TRRAP: variants seen among roughly 807,000 people sequenced by gnomAD.
The protein encoded by TRRAP is transformation/transcription domain associated protein.
In TRRAP, 41 loss-of-function variants were observed where a neutral mutation model predicts 438.8. The ratio of observed to expected loss-of-function variants is 0.09; its 90% CI spans 0.07 to 0.12. The LOEUF (loss-of-function observed/expected upper bound fraction) is 0.12. Among genes scored for constraint, TRRAP ranks in the 10% least tolerant of loss-of-function variants. The pLI, the probability that TRRAP is intolerant of heterozygous loss-of-function variation, is 1.00. For missense variants in TRRAP, 3,122 were observed against 5,055.1 expected, an observed-to-expected ratio of 0.62 and a Z score of 11.60; for synonymous variants, 1,994 against 1,962.9, an observed-to-expected ratio of 1.02 and a Z score of -0.42.
At position 98,890,430 on chromosome 7, in the gene TRRAP, G is replaced by A. The variant is rs781887882; in HGVS notation, c.246G>A (p.Gln82=). The change falls in exon 4 of 73, where the codon CAG becomes CAA. Residue 82 remains glutamine (Q), a synonymous_variant. Coordinates refer to ENST00000456197, the MANE Select transcript of TRRAP (RefSeq NM_001375524.1). Reference sequence around the variant, plus strand: ...AAGATGGAGAAGTTCAGTTTCTTCAGGAGAAACCAGCACAGGTAATGTAAA... The same window carrying A: ...AAGATGGAGAAGTTCAGTTTCTTCAAGAGAAACCAGCACAGGTAATGTAAA... The part of the protein sequence containing the change: ...FLQDGEVQFL[Q]EKPAQQLRKL... 1 of 1,597,544 alleles carries A rather than the reference G, an allele frequency of 6.3e-7. No individual in the cohort carries two copies. Among genetic ancestry groups the A allele is most frequent in the Non-Finnish European group, 8.5e-7 (1 of 1,174,238 alleles).
chr7:99,000,723 G>C (rs1223058868), intron 67 of TRRAP, among the ~76,000 whole-genome samples: 3 of 152,242 alleles, frequency 2.0e-5, no homozygotes, highest in African/African-American at 7.2e-5. Flanking sequence ...CAATGGGCCA[G>C]CCTGGGGTGT....
chr7:98,928,010 G>A (rs1226331448), intron 23 of TRRAP, among the ~76,000 whole-genome samples: 1 of 152,158 alleles, frequency 6.6e-6, no homozygotes, highest in African/African-American at 2.4e-5. Context: ...AGGCCGAGGT[G>A]GGCGGATCAC....
chr7:98,979,390 T>C (rs1792812178), intron 58 of TRRAP, among the ~76,000 whole-genome samples: 1 of 152,224 alleles, frequency 6.6e-6, no homozygotes, highest in Non-Finnish European at 1.5e-5. Context: ...TTACTTACAG[T>C]ACCTAATACA....
At chr7:98,918,777 C>T (rs1554409973) in intron 20 of TRRAP, among the ~76,000 whole-genome samples, 1 of 151,878 alleles carries the variant, frequency 6.6e-6, no homozygotes, top group East Asian at 1.9e-4. Flanking sequence ...ATATGTTGGC[C>T]AGGCACTGTG....
chr7:98,894,783 GTTTTTTTTTTTT>G (rs56407045), intron 6 of TRRAP, among the ~76,000 whole-genome samples: 1 of 87,430 alleles, frequency 1.1e-5, no homozygotes, highest in Non-Finnish European at 2.0e-5. Flanking sequence ...CCAGCTAATG[GTTTTTTTTTTTT>G]TTTTTTTTTT....
intron 14 of TRRAP, 57 bp downstream of exon 14, chr7:98,909,019 A>ATTTTT (rs879955419): frequency 2.7e-5 from 30 of 1,091,134 alleles, no homozygotes; most frequent in Non-Finnish European, 3.4e-5. Flanking sequence ...TTGTGGCTAA[A>ATTTTT]TTTTTTTTTT....
chr7:98,895,096 G>A (rs1796142554), intron 6 of TRRAP, among the ~76,000 whole-genome samples: 1 of 152,140 alleles, frequency 6.6e-6, no homozygotes, highest in Non-Finnish European at 1.5e-5. Context: ...TGTAGAGACA[G>A]AGTCTGTCTA....
At chr7:98,890,234 C>A in intron 3 of TRRAP, 101 bp from the exon 4 acceptor site, 1 of 719,178 alleles carries the variant, frequency 1.4e-6, no homozygotes, top group Non-Finnish European at 2.0e-6. Context: ...TTGCTTTTGG[C>A]TAAAATGTTT....
At chr7:98,935,714 G>A in intron 28 of TRRAP, 39 bp downstream of exon 28, 4 of 1,525,988 alleles carry the variant, frequency 2.6e-6, no homozygotes, top group Non-Finnish European at 3.6e-6. Flanking sequence ...AAAGTGAAAG[G>A]AGACTGACCA....
chr7:98,912,293 C>T (rs1554408912), intron 18 of TRRAP, 80 bp downstream of exon 18: 1 of 1,476,046 alleles, frequency 6.8e-7, no homozygotes, highest in African/African-American at 1.4e-5. Context: ...CGGTGGTGTC[C>T]AGGCTGGTCA....
chr7:98,948,504 A>G lies in TRRAP; in HGVS notation c.4669-62A>G. 3 of 1,613,604 alleles carry G rather than the reference A, an allele frequency of 1.9e-6. No homozygotes were observed. The highest frequency in any genetic ancestry group is 2.5e-6 in the Non-Finnish European group (3 of 1,179,946). ...CCAGTAACAAGGGACCTTGTTAGGT[A>G]GACAGCCTCAAGCTCTGAGAAGAGG... On this transcript the variant is annotated intron_variant, in intron 34 of 72. Transcript: ENST00000456197. This position sits in a 1 kb window ranked among gnomAD's most constrained non-coding sequence, Gnocchi z 4.9.
intron 23 of TRRAP, among the ~76,000 whole-genome samples, chr7:98,927,842 T>C (rs920228028): frequency 1.3e-5 from 2 of 152,148 alleles, no homozygotes; most frequent in African/African-American, 4.8e-5. Flanking sequence ...CTGGAACGGC[T>C]GCTCACCTCC....
intron 62 of TRRAP, among the ~76,000 whole-genome samples, chr7:98,988,053 C>T (rs1793228744): frequency 6.6e-6 from 1 of 152,158 alleles, no homozygotes; most frequent in Non-Finnish European, 1.5e-5. Flanking sequence ...CCCACTTGGT[C>T]ATGATGGATA....
intron 12 of TRRAP, among the ~76,000 whole-genome samples, chr7:98,904,483 C>CAAAAAAA (rs59353514): frequency 2.2e-5 from 1 of 45,564 alleles, no homozygotes. Context: ...GACTCTGTCT[C>CAAAAAAA]AAAAAAAAAA....
At chr7:99,007,885 G>A (rs1427604195) in intron 69 of TRRAP, among the ~76,000 whole-genome samples, 1 of 151,080 alleles carries the variant, frequency 6.6e-6, no homozygotes, top group East Asian at 1.9e-4. Flanking sequence ...GAGTGCTGTG[G>A]CGTGATCTCG....
intron 53 of TRRAP, among the ~76,000 whole-genome samples, chr7:98,974,534 T>G (rs1466953573): frequency 1.3e-5 from 2 of 152,148 alleles, no homozygotes; most frequent in African/African-American, 2.4e-5. Context: ...CCTGCACCTC[T>G]TTGGGACAGT....
intron 67 of TRRAP, among the ~76,000 whole-genome samples, chr7:99,003,597 A>G (rs563675641): frequency 3.7e-4 from 56 of 152,268 alleles, no homozygotes; most frequent in Admixed American, 7.2e-4. Flanking sequence ...ACGTTGCCTC[A>G]ACGGCATTGT....
Position 98,994,527 on chromosome 7 carries a change from G to A in TRRAP, c.10048-60G>A, listed in dbSNP as rs1390108104. 1.6e-5 allele frequency: 25 copies of A among 1,603,670 alleles called. No individual in the cohort carries two copies. Among genetic ancestry groups the A allele is most frequent in the Non-Finnish European group, 1.8e-5 (21 of 1,174,508 alleles). The stretch of plus-strand genomic sequence containing the variant: ...GGGCCGCACTCAATAGGCGCTTTTG[G>A]CTGCTGGTTCTGGAGTGGAGGGCTG... On this transcript the variant is annotated intron_variant, in intron 66 of 72. Coordinates refer to ENST00000456197, the MANE Select transcript of TRRAP (RefSeq NM_001375524.1). The surrounding 1 kb of genome is among the most constrained non-coding windows in gnomAD (Gnocchi z 4.8).
At position 98,976,188 on chromosome 7, in the gene TRRAP, A is replaced by G. The variant is rs1214016333; in HGVS notation, c.7879A>G (p.Ile2627Val). The change falls in exon 54 of 73, where the codon ATT becomes GTT. Residue 2627 changes from isoleucine to valine, a missense_variant. By Grantham distance (29) the Ile-to-Val change is conservative. Around this residue, in one of 24 missense-constraint regions of TRRAP, gnomAD observed 992 missense variants for 1,281.2 expected, o/e 0.77. Coordinates refer to ENST00000456197, the MANE Select transcript of TRRAP (RefSeq NM_001375524.1). This position sits in a 1 kb window ranked among gnomAD's most constrained non-coding sequence, Gnocchi z 4.6. ...CAGCGCTTTCGTTCAGCTGTGCCACATTTCCACGACGCTGGCAGAGAAGAC... is the reference window on the plus strand; with the variant it reads ...CAGCGCTTTCGTTCAGCTGTGCCACGTTTCCACGACGCTGGCAGAGAAGAC... ...LLSAFVQLCH[I>V]STTLAEKTWV... is the part of the protein sequence containing the mutation. The G allele has an allele frequency of 6.2e-7, 1 of 1,614,064 alleles. No homozygotes were observed. Among genetic ancestry groups the G allele is most frequent in the African/African-American group, 1.3e-5 (1 of 75,030 alleles).
Sources: gnomAD v4.1 joint callset for allele counts (sites outside exome capture counted in the v4.1 genomes callset) on GRCh38, gnomAD v4.1.1 for gene constraint, gnomAD v4.1.1 regional missense constraint, Gnocchi (gnomAD v3.1) non-coding constraint, MANE v1.5 for transcripts, NCBI Gene and HGNC (gene_info 2026-07-23, HGNC 2026-07-21) for gene names.